LRRTM4: variants seen among roughly 807,000 people sequenced by gnomAD.
LRRTM4 encodes leucine rich repeat transmembrane neuronal 4.
Under a neutral mutation model 47.6 loss-of-function variants are expected in LRRTM4, and 25 were observed. The observed-to-expected ratio is 0.53, with a 90% confidence interval of 0.38 to 0.73. The LOEUF is 0.73. Ranked by LOEUF, LRRTM4 falls within the 30% of genes least tolerant of loss-of-function variation. The pLI is 0.00. For missense variants in LRRTM4, 638 were observed against 713.4 expected, an observed-to-expected ratio of 0.89 and a Z score of 1.20; for synonymous variants, 311 against 269.5, an observed-to-expected ratio of 1.15 and a Z score of -1.51.
At chr2:76,827,656 A>G (rs1671225707) in intron 3 of LRRTM4, among the ~76,000 whole-genome samples, 2 of 151,890 alleles carry the variant, frequency 1.3e-5, no homozygotes, top group Non-Finnish European at 2.9e-5. Flanking sequence ...ATATGAGGAT[A>G]ATAAAAACAG....
chr2:76,859,560 A>C (rs1218725580), intron 3 of LRRTM4, among the ~76,000 whole-genome samples: 1 of 152,128 alleles, frequency 6.6e-6, no homozygotes, highest in Non-Finnish European at 1.5e-5. Context: ...TGTATCCCTA[A>C]CCTACAATAT....
At chr2:77,248,025 A>G (rs931838229) in intron 3 of LRRTM4, among the ~76,000 whole-genome samples, 4 of 150,776 alleles carry the variant, frequency 2.7e-5, no homozygotes, top group Admixed American at 1.3e-4. Context: ...CTAGTACACC[A>G]GAATAATGAT....
chr2:77,307,147 G>T (rs1259239835), intron 3 of LRRTM4, among the ~76,000 whole-genome samples: 1 of 151,714 alleles, frequency 6.6e-6, no homozygotes, highest in African/African-American at 2.4e-5. Flanking sequence ...TGATCCGCCC[G>T]CCTCGGCCTC....
chr2:76,804,529 G>T (rs576897821), intron 3 of LRRTM4, among the ~76,000 whole-genome samples: 1 of 151,084 alleles, frequency 6.6e-6, no homozygotes, highest in African/African-American at 2.4e-5. Context: ...TATTTTAACC[G>T]GCTGATGCCC....
At chr2:77,343,507 T>G (rs1166354025) in intron 3 of LRRTM4, among the ~76,000 whole-genome samples, 1 of 151,914 alleles carries the variant, frequency 6.6e-6, no homozygotes, top group Non-Finnish European at 1.5e-5. Flanking sequence ...TAAAATTTGG[T>G]TTTTAATTTT....
chr2:76,991,095 A>G (rs1041587380), intron 3 of LRRTM4, among the ~76,000 whole-genome samples: 1 of 151,734 alleles, frequency 6.6e-6, no homozygotes, highest in Non-Finnish European at 1.5e-5. Context: ...TCTTTGAAAT[A>G]AACGAAAACA....
At chr2:77,068,388 C>T (rs1302300143) in intron 3 of LRRTM4, among the ~76,000 whole-genome samples, 2 of 152,058 alleles carry the variant, frequency 1.3e-5, no homozygotes, top group African/African-American at 4.8e-5. Context: ...GTTATACTAT[C>T]ACCACTGTCT....
At chr2:77,121,507 C>T (rs1321444746) in intron 3 of LRRTM4, among the ~76,000 whole-genome samples, 1 of 151,758 alleles carries the variant, frequency 6.6e-6, no homozygotes, top group African/African-American at 2.4e-5. Flanking sequence ...TGGAATACCA[C>T]AAAGTTTGAA....
intron 3 of LRRTM4, among the ~76,000 whole-genome samples, chr2:77,138,742 G>A (rs1672026030): frequency 6.6e-6 from 1 of 151,798 alleles, no homozygotes; most frequent in African/African-American, 2.4e-5. Context: ...TAATAAAGAA[G>A]AAAAGAGAGA....
At chr2:77,449,318 C>CACTTATTA (rs1371127351) in intron 3 of LRRTM4, among the ~76,000 whole-genome samples, 1 of 152,112 alleles carries the variant, frequency 6.6e-6, no homozygotes, top group Non-Finnish European at 1.5e-5. Context: ...TTGGCTGTTT[C>CACTTATTA]ACTTATTAAT....
chr2:77,136,148 G>A (rs1671934264), intron 3 of LRRTM4, among the ~76,000 whole-genome samples: 1 of 152,148 alleles, frequency 6.6e-6, no homozygotes, highest in Non-Finnish European at 1.5e-5. Context: ...CCAGCATGGA[G>A]TTTGAGATCT....
intron 3 of LRRTM4, among the ~76,000 whole-genome samples, chr2:76,853,422 T>A (rs1444980320): frequency 2.0e-5 from 3 of 152,128 alleles, no homozygotes; most frequent in African/African-American, 7.2e-5. Flanking sequence ...CCTGCCACCA[T>A]CTAAGTAGAA....
intron 3 of LRRTM4, among the ~76,000 whole-genome samples, chr2:76,870,933 C>A (rs1672605976): frequency 6.6e-6 from 1 of 152,114 alleles, no homozygotes; most frequent in Non-Finnish European, 1.5e-5. Flanking sequence ...CTTTAATCAC[C>A]CTATCTTTGT....
chr2:77,103,164 C>G (rs576584364), intron 3 of LRRTM4, among the ~76,000 whole-genome samples: 4 of 152,242 alleles, frequency 2.6e-5, no homozygotes, highest in Non-Finnish European at 4.4e-5. Flanking sequence ...GGGGCAGAGA[C>G]AGCAGCAGAC....
intron 3 of LRRTM4, chr2:76,772,872 G>A (rs1332376678): frequency 6.6e-6 from 1 of 152,088 alleles, no homozygotes; most frequent in Non-Finnish European, 1.5e-5. Flanking sequence ...CATAGGTATG[G>A]AATATATAGG....
intron 3 of LRRTM4, among the ~76,000 whole-genome samples, chr2:76,827,889 A>G (rs892929324): frequency 5.3e-5 from 8 of 151,872 alleles, no homozygotes; most frequent in African/African-American, 1.7e-4. Flanking sequence ...AATTTTCCAC[A>G]GTTACTGTTT....
intron 3 of LRRTM4, among the ~76,000 whole-genome samples, chr2:76,754,877 C>T (rs2104063858): frequency 6.6e-6 from 1 of 152,210 alleles, no homozygotes; most frequent in East Asian, 1.9e-4. Flanking sequence ...CTTAGACCAG[C>T]CAGTCTCTGC....
intron 3 of LRRTM4, among the ~76,000 whole-genome samples, chr2:77,139,708 T>C (rs1282407974): frequency 6.6e-6 from 1 of 152,158 alleles, no homozygotes; most frequent in African/African-American, 2.4e-5. Flanking sequence ...ATGATATGAT[T>C]ATATATTTAG....
At chr2:76,923,561 G>T (rs866167737) in intron 3 of LRRTM4, among the ~76,000 whole-genome samples, 23 of 151,920 alleles carry the variant, frequency 1.5e-4, no homozygotes, top group Non-Finnish European at 1.5e-4. Flanking sequence ...CATTCAAAAT[G>T]ATTCACTCAA....
Sources: allele counts gnomAD v4.1 joint callset (sites outside exome capture counted in the v4.1 genomes callset), GRCh38; gene constraint gnomAD v4.1.1; transcripts MANE v1.5; gene names NCBI Gene and HGNC (gene_info 2026-07-23, HGNC 2026-07-21).